AFF3: variants seen among roughly 807,000 people sequenced by gnomAD.
AFF3 encodes the protein ALF transcription elongation factor 3.
In AFF3, 32 loss-of-function variants were observed where a neutral mutation model predicts 129.7. The observed-to-expected ratio is 0.25, with a 90% CI of 0.19 to 0.33. The LOEUF (loss-of-function observed/expected upper bound fraction) is 0.33. AFF3 is among the 10% of genes least tolerant of loss of function. AFF3 has a pLI of 1.00. For synonymous variants in AFF3, 644 were observed against 635.4 expected (o/e 1.01, Z -0.20); for missense variants, 1,373 against 1,592.0 (o/e 0.86, Z 2.34).
chr2:99,958,931 AG>A (rs1421679102), intron 7 of AFF3, among the ~76,000 whole-genome samples: 1 of 151,910 alleles, frequency 6.6e-6, no homozygotes, highest in Non-Finnish European at 1.5e-5. Flanking sequence ...TGGGCAACAT[AG>A]GGGGGCCCAT....
chr2:100,022,462 G>A (rs1559065589), intron 4 of AFF3, among the ~76,000 whole-genome samples: 1 of 152,064 alleles, frequency 6.6e-6, no homozygotes, highest in South Asian at 2.1e-4. Flanking sequence ...CCCGGCTGGA[G>A]TGCAGTGGTG....
chr2:99,987,376 G>A (rs539166606), intron 7 of AFF3, among the ~76,000 whole-genome samples: 6 of 152,282 alleles, frequency 3.9e-5, no homozygotes, highest in African/African-American at 1.4e-4. Flanking sequence ...TGCAATGACT[G>A]CAGAAATCAG....
At chr2:99,901,434 C>A (rs1433402185) in intron 7 of AFF3, among the ~76,000 whole-genome samples, 1 of 152,168 alleles carries the variant, frequency 6.6e-6, no homozygotes, top group African/African-American at 2.4e-5. Context: ...ACTACTAAAC[C>A]ATTGCCCTCC....
chr2:100,029,530 G>T (rs1206151630), intron 4 of AFF3, among the ~76,000 whole-genome samples: 2 of 152,152 alleles, frequency 1.3e-5, no homozygotes, highest in Non-Finnish European at 2.9e-5. Context: ...GGGCCTTCAG[G>T]ATATGATGCT....
intron 13 of AFF3, among the ~76,000 whole-genome samples, chr2:99,649,179 C>T (rs1451729948): frequency 6.6e-6 from 1 of 151,926 alleles, no homozygotes; most frequent in Non-Finnish European, 1.5e-5. Context: ...CACGTGGGAC[C>T]GTGAGTTGTT....
In AFF3 at chr2:99,740,257, G is replaced by A. The variant is rs1361274658; in HGVS notation, c.1039+3847C>T. On this transcript the variant is annotated intron_variant, in intron 10 of 24. Coordinates refer to ENST00000672756, the MANE Select transcript of AFF3 (RefSeq NM_001386135.1). ...TTCCAAGTCTTTGCTATTGTGAATA[G>A]TGCCGCAATAAACATACGTGTGCAT... Among the ~76,000 whole-genome samples the A allele has an allele frequency of 4.0e-5, 6 of 149,724 alleles. No homozygotes were observed. The East Asian group carries it at 1.2e-3, about 30-fold the overall frequency.
intron 8 of AFF3, among the ~76,000 whole-genome samples, chr2:99,798,494 T>C (rs1463775572): frequency 3.3e-5 from 5 of 151,708 alleles, no homozygotes; most frequent in Non-Finnish European, 7.4e-5. Context: ...CACTATAAAA[T>C]CCCAGTTAAA....
At chr2:100,033,228 A>G (rs1684652881) in intron 4 of AFF3, among the ~76,000 whole-genome samples, 1 of 152,204 alleles carries the variant, frequency 6.6e-6, no homozygotes, top group East Asian at 1.9e-4. Context: ...CCCCATCAAC[A>G]CATTACAAAC....
At chr2:99,660,051 C>CA (rs1686091638) in intron 12 of AFF3, among the ~76,000 whole-genome samples, 1 of 152,176 alleles carries the variant, frequency 6.6e-6, no homozygotes, top group East Asian at 1.9e-4. Flanking sequence ...ATCTTTGGCT[C>CA]AGCAGGTGGA....
intron 7 of AFF3, among the ~76,000 whole-genome samples, chr2:99,884,434 T>A (rs1402231319): frequency 1.3e-5 from 2 of 152,226 alleles, no homozygotes; most frequent in Admixed American, 1.3e-4. Flanking sequence ...ACTCTCACCC[T>A]GTCTCCCAGG....
At chr2:99,882,432 T>C (rs1479004080) in intron 7 of AFF3, among the ~76,000 whole-genome samples, 1 of 152,236 alleles carries the variant, frequency 6.6e-6, no homozygotes, top group Non-Finnish European at 1.5e-5. Flanking sequence ...GTGACAGCAC[T>C]GCACAGAAGC....
intron 7 of AFF3, among the ~76,000 whole-genome samples, chr2:99,976,724 C>T (rs1678922468): frequency 6.6e-6 from 1 of 151,862 alleles, no homozygotes; most frequent in South Asian, 2.1e-4. Flanking sequence ...AATATAAAAC[C>T]TTTAATTTCA....
chr2:100,109,974 AG>A (rs1459898913), intron 2 of AFF3: 3 of 152,222 alleles, frequency 2.0e-5, no homozygotes, highest in Non-Finnish European at 4.4e-5. Flanking sequence ...CCCAGTCGGA[AG>A]GCGAGAGAGA....
In AFF3 at chr2:99,583,405, C is replaced by T. The variant is rs565853292; in HGVS notation, c.2592-406G>A. On this transcript the variant is annotated intron_variant, in intron 16 of 24. Coordinates refer to ENST00000672756, the MANE Select transcript of AFF3 (RefSeq NM_001386135.1). ...TCTACATTTCTGTCTTTTTTTGAGA[C>T]GGGATCTGGCTCTGCTGCCCAGGCT... Among the ~76,000 whole-genome samples the T allele has an allele frequency of 6.6e-4, 100 of 152,204 alleles. 2 individuals are homozygous for T. The South Asian group carries it at 0.015, about 23-fold the overall frequency.
intron 7 of AFF3, among the ~76,000 whole-genome samples, chr2:99,967,229 CT>C (rs1339050814): frequency 6.6e-6 from 1 of 152,010 alleles, no homozygotes; most frequent in Non-Finnish European, 1.5e-5. Context: ...CAGCCCACCT[CT>C]GTAAATCCTG....
chr2:100,001,733 C>T (rs1221433009), intron 7 of AFF3, among the ~76,000 whole-genome samples: 1 of 152,216 alleles, frequency 6.6e-6, no homozygotes, highest in Non-Finnish European at 1.5e-5. Flanking sequence ...AGCCCAAGTG[C>T]TTCACCTTTT....
intron 7 of AFF3, among the ~76,000 whole-genome samples, chr2:99,886,355 C>G (rs541683079): frequency 6.6e-6 from 1 of 152,232 alleles, no homozygotes; most frequent in South Asian, 2.1e-4. Context: ...CTTAGCCTGT[C>G]CCAACATACA....
rs375032021 is a variant in AFF3, at chr2:99,685,232, C to G, written c.1092-12643G>C. On this transcript the variant is annotated intron_variant, in intron 11 of 24. Transcript: ENST00000672756. ...CTGGGATTACAGGCCTGAGCCACCC[C>G]CCTGGCCTTTCTTTTTTAAAAATAG... is the stretch of plus-strand genomic sequence containing the variant. 8.9e-4 allele frequency among the ~76,000 whole-genome samples: 136 copies of G among 152,282 alleles called. 1 individual carries two copies. The East Asian group carries it at 0.021, about 24-fold the overall frequency.
chr2:99,763,775 C>T (rs898902804), intron 8 of AFF3, among the ~76,000 whole-genome samples: 9 of 152,166 alleles, frequency 5.9e-5, no homozygotes, highest in South Asian at 2.1e-4. Context: ...TAACAAAAAT[C>T]GTAGCAAAAT....
Sources: gnomAD v4.1 joint callset for allele counts (sites outside exome capture counted in the v4.1 genomes callset) on GRCh38, gnomAD v4.1.1 for gene constraint, MANE v1.5 for transcripts, NCBI Gene and HGNC (gene_info 2026-07-23, HGNC 2026-07-21) for gene names.